Variants in HMGN5 observed in about 807,000 individuals in gnomAD.
The protein encoded by HMGN5 is high mobility group nucleosome binding domain 5, also known as high mobility group nucleosome-binding domain-containing protein 5.
Under a neutral mutation model 9.5 loss-of-function variants are expected in HMGN5, and 4 were observed. That is an observed-to-expected ratio of 0.42 (90% CI 0.21 to 0.96). The LOEUF is 0.96. Among genes scored for constraint, HMGN5 ranks in the 40% least tolerant of loss-of-function variants. The probability of loss-of-function intolerance (pLI) is 0.30; values close to 1 mark genes in which losing one functional copy is unlikely to be tolerated. For missense variants in HMGN5, 192 were observed against 187.5 expected, an observed-to-expected ratio of 1.02 and a Z score of -0.14; for synonymous variants, 55 against 57.1, an observed-to-expected ratio of 0.96 and a Z score of 0.16.
chrX:81,188,469 T>G (rs1486350853), intron 1 of HMGN5, among the ~76,000 whole-genome samples: 1 of 109,642 alleles, frequency 9.1e-6, no homozygotes, highest in Non-Finnish European at 1.9e-5. Context: ...CATCATTTAG[T>G]CTTTCTACTT....
At chrX:81,132,362 A>G (rs1401248157) in intron 1 of HMGN5, among the ~76,000 whole-genome samples, 1 of 111,753 alleles carries the variant, frequency 8.9e-6, no homozygotes, top group Non-Finnish European at 1.9e-5. Flanking sequence ...GAACAAAACT[A>G]TTTTAAAATT....
chrX:81,153,575 CTCTCTCTCTATATATATATATATATATA>C (rs1364757998), intron 1 of HMGN5, among the ~76,000 whole-genome samples: 2 of 11,131 alleles, frequency 1.8e-4, no homozygotes, highest in African/African-American at 3.4e-4. Context: ...CTCTCTCTCT[CTCTCTCTCTATATATATATATATATATA>C]TATATATATA....
chrX:81,150,752 G>C (rs1360063435), intron 1 of HMGN5, among the ~76,000 whole-genome samples: 3 of 111,551 alleles, frequency 2.7e-5, no homozygotes, highest in Non-Finnish European at 5.6e-5. Flanking sequence ...GAAAAAAAGA[G>C]AGAAGATTCA....
intron 1 of HMGN5, among the ~76,000 whole-genome samples, chrX:81,162,713 C>T (rs1010216746): frequency 1.8e-4 from 20 of 111,140 alleles, no homozygotes; most frequent in African/African-American, 6.6e-4. Context: ...TGGAACTGTA[C>T]TCAAAAGAAT....
At position 81,141,698 on chromosome X, in the gene HMGN5, T is replaced by A. The variant is rs1218982217; in HGVS notation, c.-123-20026A>T. Among the ~76,000 whole-genome samples, 3 of 111,375 alleles carry A rather than the reference T, an allele frequency of 2.7e-5. No individual in the cohort carries two copies. The Admixed American group carries it at 2.9e-4, about 11-fold the overall frequency. On this transcript the variant is annotated intron_variant, in intron 1 of 6. Transcript: ENST00000358130. Reference sequence around the variant, plus strand: ...CTTGGAACACAGCACCCAAGTACTTTTGAATATCTGGAAAGCCTTCCAAAG... The same window carrying A: ...CTTGGAACACAGCACCCAAGTACTTATGAATATCTGGAAAGCCTTCCAAAG...
At chrX:81,191,518 A>G (rs772011516) in intron 1 of HMGN5, among the ~76,000 whole-genome samples, 4 of 111,905 alleles carry the variant, frequency 3.6e-5, no homozygotes, top group Non-Finnish European at 7.5e-5. Context: ...ATCTATTGAG[A>G]TGATCATGTG....
chrX:81,178,745 CA>C (rs1429916949), intron 1 of HMGN5, among the ~76,000 whole-genome samples: 1 of 110,836 alleles, frequency 9.0e-6, no homozygotes, highest in Non-Finnish European at 1.9e-5. Flanking sequence ...AAAGACACAA[CA>C]AAAAAAGGGA....
chrX:81,146,734 AATAG>A (rs754336811), intron 1 of HMGN5, among the ~76,000 whole-genome samples: 4 of 111,915 alleles, frequency 3.6e-5, no homozygotes, highest in African/African-American at 1.3e-4. Flanking sequence ...AGATCAACAA[AATAG>A]ATAGACTGCT....
chrX:81,124,889 C>A (rs1169234141), intron 1 of HMGN5, among the ~76,000 whole-genome samples: 1 of 110,629 alleles, frequency 9.0e-6, no homozygotes, highest in Non-Finnish European at 1.9e-5. Flanking sequence ...CCAAAATTTA[C>A]AGGAACTGTA....
chrX:81,138,693 T>A (rs2075318734), intron 1 of HMGN5, among the ~76,000 whole-genome samples: 1 of 111,169 alleles, frequency 9.0e-6, no homozygotes, highest in South Asian at 3.8e-4. Context: ...AGGAATAAAA[T>A]TGTCCCTATT....
intron 1 of HMGN5, among the ~76,000 whole-genome samples, chrX:81,179,608 G>A (rs907596864): frequency 3.6e-5 from 4 of 111,588 alleles, no homozygotes; most frequent in Admixed American, 9.5e-5. Flanking sequence ...AATTAATATC[G>A]TGAAAGTGGC....
At chrX:81,153,928 A>G (rs996013465) in intron 1 of HMGN5, among the ~76,000 whole-genome samples, 2 of 108,281 alleles carry the variant, frequency 1.8e-5, no homozygotes, top group South Asian at 8.1e-4. Context: ...AATATTATTA[A>G]AATGTCCACA....
chrX:81,173,549 A>G (rs1336725420), intron 1 of HMGN5, among the ~76,000 whole-genome samples: 2 of 112,042 alleles, frequency 1.8e-5, no homozygotes, highest in Non-Finnish European at 3.8e-5. Flanking sequence ...AGTTTAAAAT[A>G]GGAAAATTAG....
At chrX:81,126,781 A>G (rs1486981137) in intron 1 of HMGN5, among the ~76,000 whole-genome samples, 1 of 111,918 alleles carries the variant, frequency 8.9e-6, no homozygotes, top group Non-Finnish European at 1.9e-5. Context: ...ATTAAGATGT[A>G]CAACATGATG....
chrX:81,196,150 T>C (rs968216309), intron 1 of HMGN5, among the ~76,000 whole-genome samples: 2 of 111,346 alleles, frequency 1.8e-5, no homozygotes, highest in East Asian at 5.7e-4. Context: ...TATCCTCCAA[T>C]GTGCGGTAAT....
intron 1 of HMGN5, among the ~76,000 whole-genome samples, chrX:81,178,663 TC>T (rs1476510590): frequency 1.8e-5 from 2 of 111,728 alleles, no homozygotes; most frequent in African/African-American, 3.3e-5. Flanking sequence ...ACTATTCCAA[TC>T]AATAGAAAAA....
At chrX:81,144,249 C>G (rs887728247) in intron 1 of HMGN5, among the ~76,000 whole-genome samples, 11 of 111,181 alleles carry the variant, frequency 9.9e-5, no homozygotes, top group Non-Finnish European at 1.9e-4. Flanking sequence ...TACAGGAGAG[C>G]TCTCACTGGC....
At chrX:81,181,314 TTTTA>T (rs1479215145) in intron 1 of HMGN5, among the ~76,000 whole-genome samples, 1 of 111,611 alleles carries the variant, frequency 9.0e-6, no homozygotes, top group Non-Finnish European at 1.9e-5. Context: ...TTTATTTATT[TTTTA>T]TTTGTGTGGG....
chrX:81,149,309 T>G, intron 1 of HMGN5, among the ~76,000 whole-genome samples: 1 of 111,318 alleles, frequency 9.0e-6, no homozygotes. Context: ...TAAAAAAGGA[T>G]GAGTTCATGT....
Sources: gnomAD v4.1 joint callset for allele counts (sites outside exome capture counted in the v4.1 genomes callset) on GRCh38, gnomAD v4.1.1 for gene constraint, MANE v1.5 for transcripts, NCBI Gene and HGNC (gene_info 2026-07-23, HGNC 2026-07-21) for gene names.